Variants in LANCL1 observed in about 807,000 individuals in gnomAD.
LANCL1 encodes the protein LanC like glutathione S-transferase 1.
Under a neutral mutation model 50.6 loss-of-function variants are expected in LANCL1, and 50 were observed. That is an observed-to-expected ratio of 0.99 (90% CI 0.79 to 1.25). The LOEUF is 1.25. Among genes scored for constraint, LANCL1 ranks in the 50% most tolerant of loss-of-function variants. The pLI is 0.00. For synonymous variants in LANCL1, 188 were observed against 178.6 expected (o/e 1.05, Z -0.42); for missense variants, 532 against 480.7 (o/e 1.11, Z -1.00).
intron 3 of LANCL1, among the ~76,000 whole-genome samples, chr2:210,459,832 C>T (rs1376326932): frequency 2.0e-5 from 3 of 151,560 alleles, no homozygotes; most frequent in African/African-American, 7.3e-5. Context: ...GGCTTCAGCA[C>T]GAAAGCTGTG....
chr2:210,446,189 G>A (rs1198387668), intron 4 of LANCL1, among the ~76,000 whole-genome samples: 1 of 152,120 alleles, frequency 6.6e-6, no homozygotes, highest in Admixed American at 6.5e-5. Context: ...AGCAGGGGTC[G>A]ACAGACACCT....
At chr2:210,474,665 G>T (rs1227007546) in intron 2 of LANCL1, among the ~76,000 whole-genome samples, 1 of 151,992 alleles carries the variant, frequency 6.6e-6, no homozygotes, top group African/African-American at 2.4e-5. Flanking sequence ...GGCAGAAGTT[G>T]CAGTGAGCCA....
chr2:210,446,659 T>G (rs1217630682), intron 4 of LANCL1, among the ~76,000 whole-genome samples: 2 of 150,750 alleles, frequency 1.3e-5, no homozygotes, highest in African/African-American at 2.4e-5. Flanking sequence ...GAGAAGAACA[T>G]AAACGACCTG....
chr2:210,439,925 G>A (rs1574414932), intron 6 of LANCL1, among the ~76,000 whole-genome samples: 2 of 152,168 alleles, frequency 1.3e-5, no homozygotes, highest in African/African-American at 4.8e-5. Context: ...TTATTCAGAA[G>A]TGCCAGTTTC....
intron 4 of LANCL1, among the ~76,000 whole-genome samples, chr2:210,449,293 A>C (rs569526497): frequency 6.6e-6 from 1 of 152,296 alleles, no homozygotes; most frequent in African/African-American, 2.4e-5. Flanking sequence ...CCTTCCACAA[A>C]ATTCAACAGC....
intron 3 of LANCL1, among the ~76,000 whole-genome samples, chr2:210,467,698 C>T (rs1272915547): frequency 1.3e-5 from 2 of 152,258 alleles, no homozygotes; most frequent in East Asian, 3.9e-4. Context: ...TGTCAATGGG[C>T]ATGTGCCCTT....
At chr2:210,464,982 A>ACAACAAC (rs1553714487) in intron 3 of LANCL1, among the ~76,000 whole-genome samples, 1 of 139,532 alleles carries the variant, frequency 7.2e-6, no homozygotes, top group South Asian at 2.2e-4. Flanking sequence ...CAAAAAAAAA[A>ACAACAAC]AAAAAAAAAC....
chr2:210,460,364 A>T (rs1164830959), intron 3 of LANCL1: 1 of 152,222 alleles, frequency 6.6e-6, no homozygotes, highest in East Asian at 1.9e-4. Flanking sequence ...ACATGGAGAC[A>T]GGAACTTCCC....
intron 4 of LANCL1, 31 bp from the exon 5 acceptor site, chr2:210,441,474 T>C (rs765197878): frequency 3.3e-5 from 53 of 1,583,636 alleles, no homozygotes; most frequent in Non-Finnish European, 4.4e-5. Context: ...CCCAAATAAT[T>C]TGAAAGGAAC....
intron 8 of LANCL1, 77 bp from the exon 9 acceptor site, chr2:210,435,536 C>A: frequency 9.4e-7 from 1 of 1,060,198 alleles, no homozygotes; most frequent in Non-Finnish European, 1.5e-6. Context: ...GTTGTCTATA[C>A]AAATTACTCT....
chr2:210,453,493 C>G lies in LANCL1; in HGVS notation c.407+1614G>C, dbSNP rs960838882. 3.9e-5 allele frequency among the ~76,000 whole-genome samples: 6 copies of G among 152,180 alleles called. No homozygotes were observed. In the East Asian group the frequency reaches 1.2e-3, roughly 29 times the overall value. On this transcript the variant is annotated intron_variant, in intron 4 of 9. Transcript: ENST00000450366. ...ATTTTGTTTAATTAGTGCTTTGATA[C>G]AAATTCCCATCTGTTTGAATCTATG...
intron 5 of LANCL1, among the ~76,000 whole-genome samples, chr2:210,440,978 T>C (rs1045052384): frequency 7.9e-5 from 12 of 152,018 alleles, no homozygotes; most frequent in Non-Finnish European, 1.2e-4. Flanking sequence ...TTTACAAGAG[T>C]TCGCCTGTCA....
In LANCL1 at chr2:210,475,399, T is replaced by C. The variant is rs1407631586; in HGVS notation, c.81+917A>G. Among the ~76,000 whole-genome samples the C allele has an allele frequency of 2.0e-5, 3 of 152,312 alleles. No individual in the cohort carries two copies. The East Asian group carries it at 5.8e-4, about 29-fold the overall frequency. On this transcript the variant is annotated intron_variant, in intron 2 of 9. Transcript: ENST00000450366. ...AGGCTAGAGTGCAGTGGTGCAATCA[T>C]AGCTCACTACAGCCTCGAATCTCCT... is the stretch of plus-strand genomic sequence containing the variant.
intron 3 of LANCL1, among the ~76,000 whole-genome samples, chr2:210,466,099 G>T (rs1207402227): frequency 6.6e-6 from 1 of 152,126 alleles, no homozygotes; most frequent in Non-Finnish European, 1.5e-5. Flanking sequence ...TAATCGTTTG[G>T]TTCCACCAAT....
rs773616811 is a variant in LANCL1 at position 210,436,242 on chromosome 2, T to G, written c.1024A>C (p.Met342Leu). The G allele has an allele frequency of 1.2e-6, 2 of 1,613,858 alleles. No individual in the cohort carries two copies. Among genetic ancestry groups the G allele is most frequent in the East Asian group, 2.2e-5 (1 of 44,868 alleles). ...FLTLYNLTQD[M>L]KYLYRACKFA... ...TTACAGGCCCTATACAGGTACTTCA[T>G]GTCCTGTGTGAGGTTGTAGAGTGTC... Residue 342 changes from methionine (M) to leucine (L), a missense_variant, in exon 8 of 10, where the codon ATG becomes CTG. Physicochemically the swap from Met to Leu is conservative, Grantham distance 15. Coordinates refer to ENST00000450366, the MANE Select transcript of LANCL1 (RefSeq NM_006055.3).
chr2:210,470,126 C>T (rs1013731961), intron 3 of LANCL1, among the ~76,000 whole-genome samples: 24 of 152,066 alleles, frequency 1.6e-4, no homozygotes, highest in African/African-American at 4.8e-4. Context: ...GTTCAAACCA[C>T]GATAATTTTA....
intron 1 of LANCL1, 66 bp downstream of exon 1, chr2:210,476,554 C>A: frequency 2.2e-6 from 3 of 1,394,916 alleles, no homozygotes; most frequent in Non-Finnish European, 2.8e-6. Flanking sequence ...GGACCTCGGG[C>A]CCACTGCGGC....
intron 4 of LANCL1, among the ~76,000 whole-genome samples, chr2:210,443,263 G>A (rs1462157163): frequency 1.3e-5 from 2 of 152,190 alleles, no homozygotes; most frequent in African/African-American, 4.8e-5. Context: ...GGGGAGGGGA[G>A]TGGGCAGCAA....
Position 210,476,333 on chromosome 2 carries a change from A to C in LANCL1, c.64T>G (p.Phe22Val). The C allele has an allele frequency of 6.2e-7, 1 of 1,613,886 alleles. No homozygotes were observed. The highest frequency in any genetic ancestry group is 8.5e-7 in the Non-Finnish European group (1 of 1,179,788). ...DYNKSLAEGYFDAAGRLTPEF... is the reference protein window; with the variant it reads ...DYNKSLAEGYVDAAGRLTPEF... ...AAACTCACCCTCCCGGCAGCATCAAAGTAGCCTTCGGCCAGGGATTTGTTA... is the reference window on the plus strand; with the variant it reads ...AAACTCACCCTCCCGGCAGCATCAACGTAGCCTTCGGCCAGGGATTTGTTA... Residue 22 changes from phenylalanine (F) to valine (V), a missense_variant, in exon 2 of 10, where the codon TTT (phenylalanine) becomes GTT (valine). Physicochemically the swap from Phe to Val is conservative, Grantham distance 50 (BLOSUM62 -1). Transcript: ENST00000450366.
Sources: gnomAD v4.1 joint callset for allele counts (sites outside exome capture counted in the v4.1 genomes callset) on GRCh38, gnomAD v4.1.1 for gene constraint, MANE v1.5 for transcripts, NCBI Gene and HGNC (gene_info 2026-07-23, HGNC 2026-07-21) for gene names.